Variants in RPA3 observed in about 807,000 individuals in gnomAD.
RPA3 encodes replication protein A 14 kDa subunit.
In RPA3, 24 loss-of-function variants were observed where a neutral mutation model predicts 13.7. That is an observed-to-expected ratio of 1.75 (90% CI 1.27 to 2.46). The LOEUF (loss-of-function observed/expected upper bound fraction) is 2.46, where lower values mean the gene tolerates loss of function less well. RPA3 is among the 30% of genes most tolerant of loss of function. The pLI is 0.00. For missense variants in RPA3, 183 were observed against 151.0 expected (o/e 1.21, Z -1.11); for synonymous variants, 59 against 51.2 (o/e 1.15, Z -0.65).
chr7:7,680,092 G>A (rs1779871778), intron 4 of RPA3, among the ~76,000 whole-genome samples: 1 of 151,842 alleles, frequency 6.6e-6, no homozygotes, highest in South Asian at 2.1e-4. Flanking sequence ...GTGCTTGTGG[G>A]GTATTACTCA....
chr7:7,684,112 A>G (rs1779981981), intron 4 of RPA3, among the ~76,000 whole-genome samples: 1 of 152,200 alleles, frequency 6.6e-6, no homozygotes, highest in Admixed American at 6.5e-5. Context: ...AAAATACCTA[A>G]TGCAATGTAA....
rs76267830 is a variant in RPA3 at position 7,670,800 on chromosome 7, G to A, written c.-758+15030C>T. On this transcript the variant is annotated intron_variant, in intron 4 of 7. Transcript: ENST00000223129. The stretch of plus-strand genomic sequence containing the variant: ...CAAAACCACTCCCATTTACAAAGGC[G>A]AACAAAGGGAGAGAGAGAACAGTCA... 4.4e-3 allele frequency among the ~76,000 whole-genome samples: 667 copies of A among 152,288 alleles called. 3 individuals carry two copies. Among genetic ancestry groups the A allele is most frequent in the African/African-American group, 0.015 (626 of 41,548 alleles).
intron 2 of RPA3, among the ~76,000 whole-genome samples, chr7:7,702,976 T>C (rs879425308): frequency 1.3e-5 from 2 of 152,232 alleles, no homozygotes; most frequent in Non-Finnish European, 2.9e-5. Context: ...TGTAAACTTA[T>C]CATGTGCTCC....
chr7:7,702,533 G>A (rs78251653), intron 2 of RPA3, among the ~76,000 whole-genome samples: 1 of 152,026 alleles, frequency 6.6e-6, no homozygotes, highest in South Asian at 2.1e-4. Context: ...ACTTGAAATA[G>A]CTATTTTCAT....
chr7:7,696,415 A>C (rs991752998), intron 2 of RPA3, among the ~76,000 whole-genome samples: 3 of 152,158 alleles, frequency 2.0e-5, no homozygotes, highest in African/African-American at 7.2e-5. Context: ...CTAATTTTCT[A>C]TAAAAAAATA....
intron 4 of RPA3, chr7:7,673,413 C>T: frequency 2.8e-6 from 3 of 1,066,634 alleles, no homozygotes; most frequent in Non-Finnish European, 2.8e-6. Flanking sequence ...CTAAAAAGCC[C>T]TCAGTACCAG....
At chr7:7,703,457 A>C (rs1227181825) in intron 2 of RPA3, among the ~76,000 whole-genome samples, 2 of 152,232 alleles carry the variant, frequency 1.3e-5, no homozygotes, top group African/African-American at 4.8e-5. Flanking sequence ...AATAAAAAGA[A>C]AACTAAATTT....
chr7:7,665,808 G>T (rs1344871582), intron 4 of RPA3, among the ~76,000 whole-genome samples: 2 of 151,374 alleles, frequency 1.3e-5, no homozygotes, highest in Admixed American at 6.6e-5. Flanking sequence ...TATATTGTCT[G>T]GCTTCTTTCC....
intron 4 of RPA3, among the ~76,000 whole-genome samples, chr7:7,644,857 G>C (rs930099919): frequency 1.3e-5 from 2 of 152,142 alleles, no homozygotes; most frequent in African/African-American, 4.8e-5. Flanking sequence ...AGGAAAAACT[G>C]TGTTGGAATT....
At chr7:7,669,859 C>G (rs560716458) in intron 4 of RPA3, among the ~76,000 whole-genome samples, 14 of 152,244 alleles carry the variant, frequency 9.2e-5, no homozygotes, top group African/African-American at 2.9e-4. Context: ...CCTCCTTTGC[C>G]TTATTCCTGA....
chr7:7,701,401 A>G (rs1042234063), intron 2 of RPA3, among the ~76,000 whole-genome samples: 2 of 152,188 alleles, frequency 1.3e-5, no homozygotes, highest in Non-Finnish European at 1.5e-5. Context: ...TCTATGTGAC[A>G]TTTTATATAT....
intron 4 of RPA3, among the ~76,000 whole-genome samples, chr7:7,681,350 C>G (rs1331551527): frequency 6.6e-6 from 1 of 152,106 alleles, no homozygotes; most frequent in Admixed American, 6.6e-5. Flanking sequence ...CACATCATGA[C>G]TTGAAATTCA....
At chr7:7,707,669 G>T (rs1380846058) in intron 2 of RPA3, among the ~76,000 whole-genome samples, 1 of 152,136 alleles carries the variant, frequency 6.6e-6, no homozygotes, top group Non-Finnish European at 1.5e-5. Flanking sequence ...AGTTTTCTGT[G>T]ATCCAAAATC....
rs28916300 is a variant in RPA3, at chr7:7,639,688, C to G, written c.100-544G>C. Among the ~76,000 whole-genome samples, 832 of 152,300 alleles carry G rather than the reference C, an allele frequency of 5.5e-3. 7 individuals are homozygous for G. The highest frequency in any genetic ancestry group is 0.018 in the African/African-American group (767 of 41,548). On this transcript the variant is annotated intron_variant, in intron 5 of 7. Coordinates refer to ENST00000223129, the MANE Select transcript of RPA3 (RefSeq NM_002947.5). ...TACTCAGTTTCCCTACTTGGGAAGT[C>G]AGAGCAACACTCATTTAAGGAAGAG...
chr7:7,717,627 C>G (rs555754350), intron 1 of RPA3, among the ~76,000 whole-genome samples: 1 of 152,274 alleles, frequency 6.6e-6, no homozygotes, highest in South Asian at 2.1e-4. Context: ...AACATGGCCT[C>G]TATTTATTTA....
intron 4 of RPA3, among the ~76,000 whole-genome samples, chr7:7,677,044 T>A (rs992988810): frequency 4.6e-5 from 7 of 152,036 alleles, no homozygotes; most frequent in Non-Finnish European, 1.0e-4. Flanking sequence ...AGAAAATGCT[T>A]TTAATGCTTT....
intron 4 of RPA3, among the ~76,000 whole-genome samples, chr7:7,658,295 C>T (rs976930551): frequency 6.6e-6 from 1 of 152,172 alleles, no homozygotes; most frequent in East Asian, 1.9e-4. Context: ...ATTCGAATAC[C>T]CCTTATTTCT....
At chr7:7,643,439 G>C (rs1462078392) in intron 4 of RPA3, among the ~76,000 whole-genome samples, 1 of 152,188 alleles carries the variant, frequency 6.6e-6, no homozygotes, top group Admixed American at 6.5e-5. Flanking sequence ...GGCCGGGCGC[G>C]GTGGCTCACG....
At chr7:7,703,581 C>G (rs1037794742) in intron 2 of RPA3, among the ~76,000 whole-genome samples, 5 of 152,162 alleles carry the variant, frequency 3.3e-5, no homozygotes, top group South Asian at 4.1e-4. Context: ...AATACAGGCA[C>G]TTACAACACA....
Sources: gnomAD v4.1 joint callset for allele counts (sites outside exome capture counted in the v4.1 genomes callset) on GRCh38, gnomAD v4.1.1 for gene constraint, MANE v1.5 for transcripts, NCBI Gene and HGNC (gene_info 2026-07-23, HGNC 2026-07-21) for gene names.